CSNK2A1: variants seen among roughly 807,000 people sequenced by gnomAD.
CSNK2A1 encodes casein kinase 2 alpha 1.
Under a neutral mutation model 62.9 loss-of-function variants are expected in CSNK2A1, and 10 were observed. The ratio of observed to expected loss-of-function variants is 0.16; its 90% CI spans 0.10 to 0.27. The LOEUF (loss-of-function observed/expected upper bound fraction) is 0.27, where lower values mean the gene tolerates loss of function less well. Ranked by LOEUF, CSNK2A1 falls within the 10% of genes least tolerant of loss-of-function variation. The pLI is 1.00. For missense variants in CSNK2A1, 160 were observed against 492.0 expected (o/e 0.33, Z 6.38); for synonymous variants, 124 against 167.8 (o/e 0.74, Z 2.02).
intron 10 of CSNK2A1, chr20:489,240 CA>C (rs1481221724): frequency 1.8e-5 from 3 of 168,408 alleles, no homozygotes; most frequent in African/African-American, 7.2e-5. Context: ...GCACTTGATA[CA>C]GAGTTATTGA....
rs1258734992 is a variant in CSNK2A1, at chr20:540,070, C to G, written c.-227+3602G>C. The G allele has an allele frequency of 5.3e-5, 8 of 152,266 alleles. No homozygotes were observed. The East Asian group carries it at 1.3e-3, about 26-fold the overall frequency. 9.4% of individuals were successfully genotyped at this position (152,266 alleles called of 1,614,324 possible). On this transcript the variant is annotated intron_variant, in intron 1 of 13. Coordinates refer to ENST00000217244, the MANE Select transcript of CSNK2A1 (RefSeq NM_177559.3). ...TTTTAGCTCCACCCCTCTGGGCTCT[C>G]CTATCTCCGTCTGAGTCACCCTGAT...
intron 4 of CSNK2A1, chr20:501,796 G>A (rs1384573030): frequency 6.6e-6 from 1 of 152,070 alleles, no homozygotes; most frequent in Non-Finnish European, 1.5e-5. Context: ...ACTAAAGTTT[G>A]ATGACCAACA....
intron 10 of CSNK2A1, chr20:488,995 C>G (rs549055659): frequency 2.4e-6 from 1 of 413,582 alleles, no homozygotes; most frequent in South Asian, 3.2e-5. Flanking sequence ...CCTGGTGAAC[C>G]CTTATTTTTC....
chr20:487,683 G>C (rs1006427985), intron 11 of CSNK2A1, 108 bp from the exon 12 acceptor site: 7 of 1,493,306 alleles, frequency 4.7e-6, no homozygotes, highest in Non-Finnish European at 6.4e-6. Context: ...AAAGCAAAGA[G>C]GGATCCAAAC....
intron 8 of CSNK2A1, among the ~76,000 whole-genome samples, chr20:493,774 T>C (rs2018287679): frequency 6.6e-6 from 1 of 152,220 alleles, no homozygotes; most frequent in Non-Finnish European, 1.5e-5. Flanking sequence ...TCCTGTGTGT[T>C]AGCCCAACCC....
At chr20:538,461 C>T (rs2019380229) in intron 1 of CSNK2A1, among the ~76,000 whole-genome samples, 13 of 152,210 alleles carry the variant, frequency 8.5e-5, no homozygotes, top group Admixed American at 8.5e-4. Context: ...TCTTTCTATT[C>T]AGGTAATAAC....
intron 12 of CSNK2A1, 162 bp from the exon 13 acceptor site, chr20:486,624 A>T (rs988981642): frequency 1.6e-6 from 1 of 632,072 alleles, no homozygotes; most frequent in Non-Finnish European, 2.6e-6. Flanking sequence ...TGAATTAGAC[A>T]AGTGGTAAAA....
At chr20:503,519 A>G (rs1440781731) in intron 4 of CSNK2A1, 1 of 398,532 alleles carries the variant, frequency 2.5e-6, no homozygotes, top group African/African-American at 2.1e-5. Flanking sequence ...TTTGAGGAAG[A>G]CACATCAACC....
At chr20:501,456 T>C (rs751349689) in intron 4 of CSNK2A1, 4 of 152,240 alleles carry the variant, frequency 2.6e-5, no homozygotes, top group East Asian at 1.9e-4. Flanking sequence ...AATGTGTTAG[T>C]AGCCACATCA....
chr20:507,720 AAAC>A (rs1568531328), intron 3 of CSNK2A1: 1 of 152,218 alleles, frequency 6.6e-6, no homozygotes, highest in African/African-American at 2.4e-5. Flanking sequence ...TATTAACACG[AAAC>A]AACATTCTCT....
At chr20:491,855 C>T (rs1283343688) in intron 9 of CSNK2A1, among the ~76,000 whole-genome samples, 11 of 151,904 alleles carry the variant, frequency 7.2e-5, no homozygotes, top group African/African-American at 2.7e-4. Flanking sequence ...ACCTGGGAGG[C>T]GGAGCTTGCA....
intron 10 of CSNK2A1, chr20:489,171 GA>G (rs1399549971): frequency 5.1e-6 from 1 of 194,952 alleles, no homozygotes; most frequent in Non-Finnish European, 1.0e-5. Flanking sequence ...GATCAGCTAT[GA>G]ACTATCTGAG....
chr20:489,275 T>A (rs1246520737), intron 10 of CSNK2A1: 3 of 170,946 alleles, frequency 1.8e-5, no homozygotes, highest in Non-Finnish European at 3.7e-5. Flanking sequence ...CAGGTTGTAT[T>A]CTTTGACTCA....
intron 4 of CSNK2A1, chr20:502,381 C>T (rs1263866211): frequency 1.3e-5 from 2 of 152,100 alleles, no homozygotes; most frequent in Admixed American, 1.3e-4. Flanking sequence ...ATTAACCCAA[C>T]TGCTGGTTTT....
At chr20:536,363 C>T (rs1017262044) in intron 1 of CSNK2A1, among the ~76,000 whole-genome samples, 4 of 152,236 alleles carry the variant, frequency 2.6e-5, no homozygotes, top group Non-Finnish European at 5.9e-5. Context: ...ACATGCCAGA[C>T]ATTTTATCAA....
intron 11 of CSNK2A1, 138 bp downstream of exon 11, chr20:488,540 G>A: frequency 2.5e-6 from 2 of 807,204 alleles, no homozygotes. Flanking sequence ...CCTGCTCAAT[G>A]CAGCATCCTG....
chr20:501,020 A>ATT (rs997429749), intron 4 of CSNK2A1: 2 of 146,702 alleles, frequency 1.4e-5, no homozygotes. Context: ...AATCCTTTTC[A>ATT]TTTTTTTCTG....
chr20:493,770 G>C (rs1396917040), intron 8 of CSNK2A1, among the ~76,000 whole-genome samples: 4 of 152,184 alleles, frequency 2.6e-5, no homozygotes, highest in African/African-American at 9.7e-5. Flanking sequence ...CATGTCCTGT[G>C]TGTTAGCCCA....
intron 2 of CSNK2A1, among the ~76,000 whole-genome samples, chr20:520,654 T>C (rs978644829): frequency 1.3e-5 from 2 of 152,140 alleles, no homozygotes; most frequent in African/African-American, 4.8e-5. Context: ...AGTGTGTCAC[T>C]ATGCCCTGCT....
Sources: gnomAD v4.1 joint callset for allele counts (sites outside exome capture counted in the v4.1 genomes callset) on GRCh38, gnomAD v4.1.1 for gene constraint, MANE v1.5 for transcripts, NCBI Gene and HGNC (gene_info 2026-07-23, HGNC 2026-07-21) for gene names.